The following SEM1 variants were observed in gnomAD, a reference collection of about 807,000 sequenced individuals.
The protein encoded by SEM1 is 26S proteasome complex subunit SEM1.
In SEM1, 3 loss-of-function variants were observed where a neutral mutation model predicts 12.7. The ratio of observed to expected loss-of-function variants is 0.24; its 90% confidence interval spans 0.11 to 0.61. The LOEUF is 0.61. SEM1 is among the 20% of genes least tolerant of loss of function. The probability of loss-of-function intolerance (pLI) is 0.88; values close to 1 mark genes in which losing one functional copy is unlikely to be tolerated. For missense variants in SEM1, 59 were observed against 81.3 expected, an observed-to-expected ratio of 0.73 and a Z score of 1.06; for synonymous variants, 30 against 27.8, an observed-to-expected ratio of 1.08 and a Z score of -0.25.
intron 2 of SEM1, among the ~76,000 whole-genome samples, chr7:96,636,319 A>C (rs1808423153): frequency 2.8e-5 from 2 of 72,204 alleles, no homozygotes; most frequent in African/African-American, 6.9e-5. Context: ...CTCTGAAAAA[A>C]AGAAAATAAC....
At chr7:96,574,542 A>G (rs1225266772) in intron 2 of SEM1, among the ~76,000 whole-genome samples, 1 of 152,232 alleles carries the variant, frequency 6.6e-6, no homozygotes, top group Non-Finnish European at 1.5e-5. Context: ...ACTAGTTTAC[A>G]GTCCCACTAA....
chr7:96,548,902 G>C (rs973443099), intron 2 of SEM1, among the ~76,000 whole-genome samples: 3 of 152,158 alleles, frequency 2.0e-5, no homozygotes, highest in Admixed American at 2.0e-4. Flanking sequence ...GGTTTACTCA[G>C]AACCTTAGCA....
intron 2 of SEM1, among the ~76,000 whole-genome samples, chr7:96,613,992 G>C (rs1188229307): frequency 1.3e-5 from 2 of 152,190 alleles, no homozygotes; most frequent in Non-Finnish European, 2.9e-5. Context: ...ATTGTGAATA[G>C]AGCTGCAGTG....
intron 2 of SEM1, among the ~76,000 whole-genome samples, chr7:96,518,776 T>TC (rs1156244123): frequency 1.3e-5 from 2 of 152,032 alleles, no homozygotes; most frequent in Non-Finnish European, 2.9e-5. Flanking sequence ...TTTTATATCA[T>TC]CCCCCCACTC....
chr7:96,548,004 C>A (rs1023518514), intron 2 of SEM1, among the ~76,000 whole-genome samples: 3 of 151,868 alleles, frequency 2.0e-5, no homozygotes, highest in African/African-American at 7.3e-5. Flanking sequence ...GGGAGGTACA[C>A]TGGGCAAAAA....
At chr7:96,620,717 C>T (rs936653880), downstream of SEM1, among the ~76,000 whole-genome samples, 1 of 152,186 alleles carries the variant, frequency 6.6e-6, no homozygotes, top group Non-Finnish European at 1.5e-5. Flanking sequence ...TTTGGAGTAT[C>T]TGCTTACTAT....
At chr7:96,541,684 A>G (rs1804960521) in intron 2 of SEM1, among the ~76,000 whole-genome samples, 1 of 151,608 alleles carries the variant, frequency 6.6e-6, no homozygotes, top group East Asian at 1.9e-4. Context: ...CATGTCCGGA[A>G]TGATGTTTTC....
At chr7:96,505,216 C>T (rs1402962977) in intron 3 of SEM1, among the ~76,000 whole-genome samples, 1 of 152,042 alleles carries the variant, frequency 6.6e-6, no homozygotes, top group Non-Finnish European at 1.5e-5. Flanking sequence ...ATTCTTCTGC[C>T]TCAGCCTCCC....
chr7:96,509,369 G>A (rs893538163), intron 2 of SEM1, among the ~76,000 whole-genome samples: 10 of 151,762 alleles, frequency 6.6e-5, no homozygotes, highest in South Asian at 2.1e-4. Flanking sequence ...CATTTACATC[G>A]CTTAGATTTT....
At chr7:96,617,389 A>G (rs1807753629) in intron 2 of SEM1, among the ~76,000 whole-genome samples, 1 of 152,128 alleles carries the variant, frequency 6.6e-6, no homozygotes, top group South Asian at 2.1e-4. Flanking sequence ...CTGTACATTA[A>G]TTTTGGACAG....
intron 2 of SEM1, among the ~76,000 whole-genome samples, chr7:96,568,070 A>C (rs1805904956): frequency 6.6e-6 from 1 of 151,672 alleles, no homozygotes; most frequent in Non-Finnish European, 1.5e-5. Flanking sequence ...ATAGCATTGA[A>C]ATTTTCTGAA....
intron 2 of SEM1, among the ~76,000 whole-genome samples, chr7:96,568,028 GT>G (rs1805903305): frequency 6.6e-6 from 1 of 151,578 alleles, no homozygotes; most frequent in African/African-American, 2.4e-5. Context: ...AAAAATAAAA[GT>G]TTTTCTTCGA....
At chr7:96,557,105 A>G (rs1195234200) in intron 2 of SEM1, among the ~76,000 whole-genome samples, 2 of 147,756 alleles carry the variant, frequency 1.4e-5, no homozygotes, top group African/African-American at 5.0e-5. Context: ...CATTTTTTTC[A>G]AAGTTTTCAA....
intron 2 of SEM1, chr7:96,486,095 G>A: frequency 1.3e-6 from 1 of 742,664 alleles, no homozygotes; most frequent in Admixed American, 2.7e-5. Context: ...GGTTGAGTAT[G>A]TCACAATGTT....
At chr7:96,598,340 G>C (rs1807069375) in intron 2 of SEM1, among the ~76,000 whole-genome samples, 1 of 151,630 alleles carries the variant, frequency 6.6e-6, no homozygotes, top group South Asian at 2.1e-4. Flanking sequence ...TGTATGGGGT[G>C]TTTGTCATGG....
chr7:96,536,194 A>G (rs1415288662), intron 2 of SEM1, among the ~76,000 whole-genome samples: 1 of 151,894 alleles, frequency 6.6e-6, no homozygotes, highest in Non-Finnish European at 1.5e-5. Context: ...TGTATTATTT[A>G]GAAGTGTGTG....
intron 2 of SEM1, among the ~76,000 whole-genome samples, chr7:96,522,015 A>G (rs10225703): frequency 0.28 from 42,635 of 152,054 alleles, 6,050 homozygotes; most frequent in Middle Eastern, 0.38. Context: ...CAGATCTTAG[A>G]GAAAGAGAAG....
intron 2 of SEM1, among the ~76,000 whole-genome samples, chr7:96,594,917 G>T (rs1169678667): frequency 6.6e-6 from 1 of 152,036 alleles, no homozygotes; most frequent in Non-Finnish European, 1.5e-5. Context: ...AAAACAAAAG[G>T]AGTAGTTTAT....
At chr7:96,614,205 T>C (rs1015948126) in intron 2 of SEM1, among the ~76,000 whole-genome samples, 1 of 152,368 alleles carries the variant, frequency 6.6e-6, no homozygotes, top group East Asian at 1.9e-4. Flanking sequence ...TTCCATTGTT[T>C]ACATTTTGCC....
Sources: allele counts gnomAD v4.1 joint callset (sites outside exome capture counted in the v4.1 genomes callset), GRCh38; gene constraint gnomAD v4.1.1; transcripts MANE v1.5; gene names NCBI Gene and HGNC (gene_info 2026-07-23, HGNC 2026-07-21).